KCTD5: variants seen among roughly 807,000 people sequenced by gnomAD.
KCTD5 encodes the protein BTB/POZ domain-containing protein KCTD5.
A neutral mutation model predicts 27.9 loss-of-function variants in KCTD5; 12 were observed. That is an observed-to-expected ratio of 0.43 (90% CI 0.28 to 0.70). KCTD5 has a LOEUF of 0.70. KCTD5 is among the 30% of genes least tolerant of loss of function. KCTD5 has a pLI of 0.19. For missense variants in KCTD5, 226 were observed against 274.8 expected (o/e 0.82, Z 1.26); for synonymous variants, 147 against 121.4 (o/e 1.21, Z -1.39).
At chr16:2,704,287 GGGCACCCCT>G (rs2067625033) in intron 5 of KCTD5, among the ~76,000 whole-genome samples, 2 of 152,240 alleles carry the variant, frequency 1.3e-5, no homozygotes, top group Admixed American at 1.3e-4. Flanking sequence ...ACCGTGATGG[GGGCACCCCT>G]GGCTGGGCTG....
chr16:2,699,702 G>T (rs947443641), intron 3 of KCTD5, 119 bp from the exon 4 acceptor site: 1 of 818,414 alleles, frequency 1.2e-6, no homozygotes. Context: ...TTTGGGCCTC[G>T]TGCCCTGTGC....
chr16:2,705,918 C>A (rs909563776), intron 5 of KCTD5, among the ~76,000 whole-genome samples: 1 of 152,162 alleles, frequency 6.6e-6, no homozygotes, highest in African/African-American at 2.4e-5. Flanking sequence ...TTGGGGCTCC[C>A]GGATGCTCAG....
intron 5 of KCTD5, among the ~76,000 whole-genome samples, chr16:2,704,177 C>T (rs1415668204): frequency 4.6e-5 from 7 of 152,332 alleles, no homozygotes; most frequent in Admixed American, 1.3e-4. Context: ...GCAGCTATGG[C>T]GGCTTCTTGA....
rs563249536 is a variant in KCTD5, at chr16:2,693,805, G to A, written c.253-2130G>A. ...GGTTGGGTGCCCTGGCACTCATGGC[G>A]GCCCCGAGCTACACGAGCTGGTCTC... On this transcript the variant is annotated intron_variant, in intron 1 of 5. Coordinates refer to ENST00000301738, the MANE Select transcript of KCTD5 (RefSeq NM_018992.4). Among the ~76,000 whole-genome samples, 58 of 151,234 alleles carry A rather than the reference G, an allele frequency of 3.8e-4. No homozygotes were observed. In the East Asian group the frequency reaches 5.1e-3, roughly 13 times the overall value.
At chr16:2,699,952 T>C (rs772072606) in intron 4 of KCTD5, 36 bp downstream of exon 4, 4 of 1,584,004 alleles carry the variant, frequency 2.5e-6, no homozygotes, top group Non-Finnish European at 3.5e-6. Context: ...GCAGCCATGC[T>C]GCAGCTGAAC....
chr16:2,701,671 C>T (rs2067612798), intron 4 of KCTD5, among the ~76,000 whole-genome samples: 1 of 152,244 alleles, frequency 6.6e-6, no homozygotes, highest in African/African-American at 2.4e-5. Context: ...GAGCCTCGTC[C>T]AGCTGCTTTT....
rs546984670 is a variant in KCTD5, at chr16:2,702,577, C to T, written c.675+99C>T. The stretch of plus-strand genomic sequence containing the variant: ...TTTTCTGCCATTCTCATCAAGCTCC[C>T]GGTGTCCGCCCCTGGTGGCCTTGCT... On this transcript the variant is annotated intron_variant, in intron 5 of 5. Coordinates refer to ENST00000301738, the MANE Select transcript of KCTD5 (RefSeq NM_018992.4). 35 of 1,466,234 alleles carry T rather than the reference C, an allele frequency of 2.4e-5. No individual in the cohort carries two copies. The East Asian group carries it at 3.9e-4, about 16-fold the overall frequency. The allele number at this position is 1,466,234 out of a possible 1,614,324, so 90.8% of individuals were successfully genotyped here. A position where few individuals can be genotyped will look rare whatever the true frequency, so the allele number is the denominator to read the frequency against.
At chr16:2,689,930 C>T (rs2067557863) in intron 1 of KCTD5, among the ~76,000 whole-genome samples, 1 of 152,214 alleles carries the variant, frequency 6.6e-6, no homozygotes, top group Non-Finnish European at 1.5e-5. Flanking sequence ...CCTGCCTTGG[C>T]CTCCCAAAGT....
chr16:2,697,544 A>AT (rs1373001842), intron 2 of KCTD5, among the ~76,000 whole-genome samples: 271 of 152,366 alleles, frequency 1.8e-3, no homozygotes, highest in Non-Finnish European at 2.9e-3. Flanking sequence ...GGAAAATGCC[A>AT]GATCCAACCC....
chr16:2,699,290 G>T (rs1159744793), intron 3 of KCTD5: 1 of 450,206 alleles, frequency 2.2e-6, no homozygotes, highest in South Asian at 1.6e-5. Context: ...CTGCCTGGAG[G>T]GGCACAGCAA....
rs566799375 is a variant in KCTD5, at chr16:2,705,919, G to A, written c.676-1379G>A. ...TCAGGAGGGAGCTGTTGGGGCTCCCGGATGCTCAGATGCCACACTGCTCCT... is the reference window on the plus strand; with the variant it reads ...TCAGGAGGGAGCTGTTGGGGCTCCCAGATGCTCAGATGCCACACTGCTCCT... On this transcript the variant is annotated intron_variant, in intron 5 of 5. Coordinates refer to ENST00000301738, the MANE Select transcript of KCTD5 (RefSeq NM_018992.4). 7.2e-5 allele frequency among the ~76,000 whole-genome samples: 11 copies of A among 152,290 alleles called. No homozygotes were observed. In the South Asian group the frequency reaches 8.3e-4, roughly 11 times the overall value.
chr16:2,689,765 T>A (rs1283894446), intron 1 of KCTD5, among the ~76,000 whole-genome samples: 1 of 151,966 alleles, frequency 6.6e-6, no homozygotes, highest in Non-Finnish European at 1.5e-5. Context: ...GCAACGGGGC[T>A]GTCAGGTTCA....
intron 4 of KCTD5, 96 bp downstream of exon 4, chr16:2,700,012 G>T: frequency 8.7e-7 from 1 of 1,147,928 alleles, no homozygotes; most frequent in Non-Finnish European, 1.3e-6. Context: ...TGCAGACTTT[G>T]CTGCTGGCGT....
intron 1 of KCTD5, among the ~76,000 whole-genome samples, chr16:2,685,035 C>G (rs947204035): frequency 1.3e-5 from 2 of 152,234 alleles, no homozygotes; most frequent in African/African-American, 4.8e-5. Flanking sequence ...CTCTTTTCAT[C>G]ATCATCCATT....
At chr16:2,692,811 G>A (rs2067572398) in intron 1 of KCTD5, among the ~76,000 whole-genome samples, 1 of 152,264 alleles carries the variant, frequency 6.6e-6, no homozygotes, top group Admixed American at 6.5e-5. Context: ...GATCGGAGCA[G>A]GCACCAACAA....
At chr16:2,692,319 G>GA (rs1450002238) in intron 1 of KCTD5, among the ~76,000 whole-genome samples, 2 of 152,180 alleles carry the variant, frequency 1.3e-5, no homozygotes, top group Non-Finnish European at 2.9e-5. Flanking sequence ...GGGTGAGCAT[G>GA]ACGAAGAGAA....
At chr16:2,686,926 A>G (rs962146550) in intron 1 of KCTD5, among the ~76,000 whole-genome samples, 4 of 152,180 alleles carry the variant, frequency 2.6e-5, no homozygotes, top group African/African-American at 9.7e-5. Flanking sequence ...GGTGAGAGCT[A>G]TGGTGGCCTC....
At chr16:2,702,608 C>G (rs2067617377) in intron 5 of KCTD5, 130 bp downstream of exon 5, 2 of 1,244,574 alleles carry the variant, frequency 1.6e-6, no homozygotes, top group East Asian at 5.1e-5. Flanking sequence ...TTGCTGACTT[C>G]TTGGACACAC....
rs370677522 is a variant in KCTD5, at chr16:2,705,664, C to T, written c.676-1634C>T. On this transcript the variant is annotated intron_variant, in intron 5 of 5. Coordinates refer to ENST00000301738, the MANE Select transcript of KCTD5 (RefSeq NM_018992.4). ...GTGTCCTGCAAGCCCCTCAGCCACC[C>T]GGGCCTGCCTGCCTGTGGGGGTGTC... 7.2e-5 allele frequency among the ~76,000 whole-genome samples: 11 copies of T among 152,296 alleles called. No homozygotes were observed. The South Asian group carries it at 1.0e-3, about 14-fold the overall frequency.
Sources: gnomAD v4.1 joint callset for allele counts (sites outside exome capture counted in the v4.1 genomes callset) on GRCh38, gnomAD v4.1.1 for gene constraint, MANE v1.5 for transcripts, NCBI Gene and HGNC (gene_info 2026-07-23, HGNC 2026-07-21) for gene names.